CTNNA2: variants seen among roughly 807,000 people sequenced by gnomAD.
The protein encoded by CTNNA2 is catenin alpha-2.
A neutral mutation model predicts 101.0 loss-of-function variants in CTNNA2; 42 were observed. That is an observed-to-expected ratio of 0.42 (90% CI 0.32 to 0.54). The LOEUF (loss-of-function observed/expected upper bound fraction) is 0.54, where lower values mean the gene tolerates loss of function less well. Ranked by LOEUF, CTNNA2 falls within the 20% of genes least tolerant of loss-of-function variation. CTNNA2 has a pLI of 0.14. For missense variants in CTNNA2, 871 were observed against 1,223.1 expected (o/e 0.71, Z 4.29); for synonymous variants, 450 against 456.4 (o/e 0.99, Z 0.18).
At chr2:80,064,427 T>G (rs959506029) in intron 7 of CTNNA2, among the ~76,000 whole-genome samples, 2 of 152,240 alleles carry the variant, frequency 1.3e-5, no homozygotes, top group African/African-American at 4.8e-5. Context: ...CTGCATTAAT[T>G]AGTACTTTAT....
intron 2 of CTNNA2, among the ~76,000 whole-genome samples, chr2:79,282,449 T>G (rs1266633595): frequency 2.0e-5 from 3 of 151,398 alleles, no homozygotes; most frequent in Non-Finnish European, 4.4e-5. Context: ...GATGTTCCCC[T>G]TCCTGTGTCC....
intron 9 of CTNNA2, among the ~76,000 whole-genome samples, chr2:80,492,958 C>T (rs977689916): frequency 1.3e-5 from 2 of 152,170 alleles, no homozygotes; most frequent in Admixed American, 6.5e-5. Context: ...GTCTTTCTCT[C>T]TCAGTAGGTT....
intron 2 of CTNNA2, among the ~76,000 whole-genome samples, chr2:79,695,062 T>C (rs1469046990): frequency 1.3e-5 from 2 of 150,506 alleles, no homozygotes; most frequent in South Asian, 4.2e-4. Context: ...AAAGAAATCT[T>C]CTCTTTCACA....
chr2:79,290,496 G>A (rs1675771510), intron 2 of CTNNA2, among the ~76,000 whole-genome samples: 1 of 152,030 alleles, frequency 6.6e-6, no homozygotes, highest in Non-Finnish European at 1.5e-5. Flanking sequence ...GACCACCCTG[G>A]CCCACCATGC....
At chr2:79,780,255 G>A (rs141464367) in intron 3 of CTNNA2, among the ~76,000 whole-genome samples, 118 of 152,234 alleles carry the variant, frequency 7.8e-4, no homozygotes, top group African/African-American at 2.7e-3. Context: ...AGTTGTGGCC[G>A]GGCCACCATG....
chr2:79,284,537 G>C (rs1277962579), intron 2 of CTNNA2, among the ~76,000 whole-genome samples: 1 of 151,654 alleles, frequency 6.6e-6, no homozygotes, highest in South Asian at 2.1e-4. Context: ...TTTGTCTTCG[G>C]CTCTGTTTAT....
intron 7 of CTNNA2, among the ~76,000 whole-genome samples, chr2:80,312,999 G>A (rs1404472793): frequency 1.3e-5 from 2 of 152,166 alleles, no homozygotes; most frequent in Non-Finnish European, 2.9e-5. Context: ...TAACTAGTTT[G>A]AATGCTTGCC....
intron 1 of CTNNA2, among the ~76,000 whole-genome samples, chr2:79,632,573 G>A (rs1237243017): frequency 4.6e-5 from 7 of 152,328 alleles, no homozygotes; most frequent in Middle Eastern, 3.4e-3. Context: ...AACAATTCAC[G>A]TGGCCCAAGG....
chr2:79,964,371 AT>A (rs1268949988), intron 7 of CTNNA2, among the ~76,000 whole-genome samples: 1 of 152,200 alleles, frequency 6.6e-6, no homozygotes, highest in Non-Finnish European at 1.5e-5. Context: ...TATTGCTTAA[AT>A]TTATGAATGG....
At chr2:80,408,097 C>G (rs888194294) in intron 8 of CTNNA2, among the ~76,000 whole-genome samples, 1 of 152,156 alleles carries the variant, frequency 6.6e-6, no homozygotes, top group Non-Finnish European at 1.5e-5. Context: ...ATCTTATTCC[C>G]CCAAGTTACC....
chr2:79,447,446 T>G (rs1562891), intron 4 of CTNNA2, among the ~76,000 whole-genome samples: 1 of 152,040 alleles, frequency 6.6e-6, no homozygotes, highest in Non-Finnish European at 1.5e-5. Context: ...GAAGATGAGA[T>G]AGTAAGACAG....
chr2:80,142,384 G>A (rs113086428), intron 7 of CTNNA2, among the ~76,000 whole-genome samples: 5 of 152,226 alleles, frequency 3.3e-5, no homozygotes, highest in African/African-American at 1.2e-4. Context: ...TGGCTTTGCC[G>A]CACTGAGTGA....
At chr2:79,802,607 GA>G (rs1558941767) in intron 3 of CTNNA2, among the ~76,000 whole-genome samples, 1 of 152,194 alleles carries the variant, frequency 6.6e-6, no homozygotes, top group East Asian at 1.9e-4. Context: ...AAATGGTAAT[GA>G]AGTTGCCTTT....
At chr2:79,632,434 C>A (rs2104366520) in intron 1 of CTNNA2, among the ~76,000 whole-genome samples, 1 of 152,192 alleles carries the variant, frequency 6.6e-6, no homozygotes, top group Middle Eastern at 3.4e-3. Flanking sequence ...TATATTTCTT[C>A]TGTTTATCGA....
chr2:80,638,771 A>C (rs2149848165), intron 18 of CTNNA2, among the ~76,000 whole-genome samples: 1 of 152,360 alleles, frequency 6.6e-6, no homozygotes, highest in Admixed American at 6.5e-5. Context: ...TAATCAGTGG[A>C]CTGGCCGACT....
chr2:79,847,418 C>A (rs548612840), intron 3 of CTNNA2, among the ~76,000 whole-genome samples: 1 of 151,840 alleles, frequency 6.6e-6, no homozygotes, highest in South Asian at 2.1e-4. Flanking sequence ...TGGCATGTGC[C>A]TATAATCCCA....
intron 7 of CTNNA2, among the ~76,000 whole-genome samples, chr2:80,287,592 T>C (rs1674885044): frequency 1.3e-5 from 2 of 152,218 alleles, no homozygotes; most frequent in African/African-American, 4.8e-5. Context: ...GCCCAGCATG[T>C]GCAAAATGTT....
rs145605131 is a variant in CTNNA2 at position 79,692,961 on chromosome 2, G to A, written c.102+41303G>A. ...TGGGTGCAGCAAACCACCATGACAC[G>A]TGTATACCTATGTAACAAATCTGCA... On this transcript the variant is annotated intron_variant, in intron 2 of 18. Transcript: ENST00000402739. Among the ~76,000 whole-genome samples, 144 of 151,792 alleles carry A rather than the reference G, an allele frequency of 9.5e-4. 1 individual carries two copies. The East Asian group carries it at 0.027, about 28-fold the overall frequency.
intron 9 of CTNNA2, among the ~76,000 whole-genome samples, chr2:80,472,263 C>G (rs1685372182): frequency 6.6e-6 from 1 of 152,166 alleles, no homozygotes; most frequent in Non-Finnish European, 1.5e-5. Flanking sequence ...ATCCTGGCAG[C>G]TCAGTGGCAC....
Sources: gnomAD v4.1 joint callset for allele counts (sites outside exome capture counted in the v4.1 genomes callset) on GRCh38, gnomAD v4.1.1 for gene constraint, MANE v1.5 for transcripts, NCBI Gene and HGNC (gene_info 2026-07-23, HGNC 2026-07-21) for gene names.